The following UBR4 variants were observed in gnomAD, a reference collection of about 807,000 sequenced individuals.
UBR4 encodes the protein ubiquitin protein ligase E3 component n-recognin 4.
Under a neutral mutation model 575.6 loss-of-function variants are expected in UBR4, and 124 were observed. The observed-to-expected ratio is 0.22, with a 90% CI of 0.19 to 0.25. The LOEUF is 0.25. Among genes scored for constraint, UBR4 ranks in the 10% least tolerant of loss-of-function variants. UBR4 has a pLI of 1.00. For missense variants in UBR4, 4,818 were observed against 6,478.8 expected (o/e 0.74, Z 8.80); for synonymous variants, 2,455 against 2,473.7 (o/e 0.99, Z 0.22).
chr1:19,170,258 G>T (rs1557886571), intron 26 of UBR4, among the ~76,000 whole-genome samples: 2 of 152,154 alleles, frequency 1.3e-5, no homozygotes, highest in Non-Finnish European at 1.5e-5. Flanking sequence ...AATTATACGG[G>T]TATGGTATTA....
At chr1:19,200,969 C>T (rs1214662738) in intron 2 of UBR4, among the ~76,000 whole-genome samples, 4 of 152,158 alleles carry the variant, frequency 2.6e-5, no homozygotes, top group African/African-American at 9.7e-5. Context: ...CATAGAGAGA[C>T]CCTGTCACTA....
At chr1:19,143,467 T>C (rs2084383182) in intron 55 of UBR4, among the ~76,000 whole-genome samples, 1 of 152,214 alleles carries the variant, frequency 6.6e-6, no homozygotes, top group Admixed American at 6.5e-5. Context: ...GTATTGTGTA[T>C]TGTGTATTGT....
intron 97 of UBR4, among the ~76,000 whole-genome samples, chr1:19,092,427 G>C (rs766893356): frequency 5.3e-5 from 8 of 151,510 alleles, no homozygotes; most frequent in Non-Finnish European, 1.0e-4. Flanking sequence ...GGAGAAATCA[G>C]GAATGAGCTG....
chr1:19,099,509 T>G, intron 90 of UBR4, 88 bp downstream of exon 90: 1 of 1,202,610 alleles, frequency 8.3e-7, no homozygotes, highest in Non-Finnish European at 1.2e-6. Context: ...GCCAGGTAAG[T>G]GATGATGAAC....
chr1:19,082,472 C>T (rs1020630275), intron 102 of UBR4, among the ~76,000 whole-genome samples: 4 of 152,206 alleles, frequency 2.6e-5, no homozygotes, highest in African/African-American at 7.2e-5. Flanking sequence ...CAAAAGGTCA[C>T]GGAATCAGCA....
At chr1:19,149,827 G>GA (rs773836268) in intron 49 of UBR4, 460 of 1,281,072 alleles carry the variant, frequency 3.6e-4, no homozygotes, top group Non-Finnish European at 4.5e-4. Context: ...AAAAAAAAAG[G>GA]AAAAAAATGT....
intron 55 of UBR4, among the ~76,000 whole-genome samples, chr1:19,142,177 T>A (rs1311461250): frequency 6.6e-6 from 1 of 152,206 alleles, no homozygotes; most frequent in Non-Finnish European, 1.5e-5. Flanking sequence ...CATGGCAGAT[T>A]AGAATTTATT....
chr1:19,199,885 G>T (rs1169550905), intron 2 of UBR4, 131 bp from the exon 3 acceptor site: 8 of 772,990 alleles, frequency 1.0e-5, no homozygotes, highest in Non-Finnish European at 1.7e-5. Context: ...AAAAACCCAA[G>T]GGGTAAACAA....
At chr1:19,109,014 A>C (rs2079541387) in intron 81 of UBR4, among the ~76,000 whole-genome samples, 2 of 152,200 alleles carry the variant, frequency 1.3e-5, no homozygotes, top group Admixed American at 6.5e-5. Context: ...GGGGGAAATA[A>C]TTCCTCCATC....
intron 53 of UBR4, 33 bp downstream of exon 53, chr1:19,145,760 A>G: frequency 1.2e-6 from 2 of 1,607,080 alleles, no homozygotes; most frequent in Non-Finnish European, 1.7e-6. Context: ...ATCAGGCTTC[A>G]TTACCAAGAT....
At chr1:19,141,036 C>T in intron 57 of UBR4, 144 bp from the exon 58 acceptor site, 2 of 870,566 alleles carry the variant, frequency 2.3e-6, no homozygotes, top group Non-Finnish European at 3.5e-6. Context: ...GCAGCCACTG[C>T]TGTCCACCCA....
chr1:19,189,057 A>G (rs1207558038), intron 11 of UBR4, among the ~76,000 whole-genome samples: 7 of 152,226 alleles, frequency 4.6e-5, no homozygotes, highest in African/African-American at 1.7e-4. Context: ...TACAAAAGAA[A>G]TACAAATGAC....
intron 9 of UBR4, among the ~76,000 whole-genome samples, chr1:19,192,750 G>A (rs892918971): frequency 1.3e-5 from 2 of 151,528 alleles, no homozygotes; most frequent in East Asian, 1.9e-4. Context: ...TCCCTCCTCC[G>A]AATCAAAAGC....
intron 37 of UBR4, 118 bp from the exon 38 acceptor site, chr1:19,161,265 T>C (rs2087309493): frequency 2.1e-6 from 2 of 965,020 alleles, no homozygotes; most frequent in South Asian, 3.2e-5. Context: ...GTTTCAATGT[T>C]ATCCAAAAGC....
chr1:19,081,621 C>A (rs746705218), intron 102 of UBR4, 48 bp from the exon 103 acceptor site: 1 of 1,600,958 alleles, frequency 6.2e-7, no homozygotes, highest in Non-Finnish European at 8.6e-7. Context: ...GGAAGCAGGA[C>A]CCGGCAGCAA....
intron 85 of UBR4, 22 bp downstream of exon 85, chr1:19,105,026 C>G (rs2079036058): frequency 6.2e-7 from 1 of 1,610,904 alleles, no homozygotes; most frequent in Admixed American, 1.7e-5. Context: ...AAGGGGCTCT[C>G]TTGGGCAATA....
At chr1:19,163,719 T>C in intron 34 of UBR4, 45 bp downstream of exon 34, 2 of 1,597,188 alleles carry the variant, frequency 1.3e-6, no homozygotes, top group Non-Finnish European at 1.7e-6. Context: ...GAGGTGAGAA[T>C]CACCTTTCCC....
chr1:19,140,402 C>T (rs1038927763), intron 58 of UBR4, among the ~76,000 whole-genome samples: 1 of 152,140 alleles, frequency 6.6e-6, no homozygotes, highest in Admixed American at 6.5e-5. Context: ...CTTTTATTTG[C>T]AAATGAAGAT....
At chr1:19,124,012 T>C (rs984591758) in intron 65 of UBR4, among the ~76,000 whole-genome samples, 5 of 152,200 alleles carry the variant, frequency 3.3e-5, no homozygotes, top group African/African-American at 9.7e-5. Context: ...CTTCTTCCCA[T>C]CTGCCTGCAG....
Sources: gnomAD v4.1 joint callset for allele counts (sites outside exome capture counted in the v4.1 genomes callset) on GRCh38, gnomAD v4.1.1 for gene constraint, MANE v1.5 for transcripts, NCBI Gene and HGNC (gene_info 2026-07-23, HGNC 2026-07-21) for gene names.